MIX23: variants seen among roughly 807,000 people sequenced by gnomAD.
The protein encoded by MIX23 is protein MIX23.
Under a neutral mutation model 21.6 loss-of-function variants are expected in MIX23, and 13 were observed. The observed-to-expected ratio is 0.60, with a 90% confidence interval of 0.39 to 0.96. MIX23 has a LOEUF of 0.96. MIX23 is among the 40% of genes least tolerant of loss of function. The probability of loss-of-function intolerance (pLI) is 0.00; values close to 1 mark genes in which losing one functional copy is unlikely to be tolerated. For synonymous variants in MIX23, 59 were observed against 58.0 expected, an observed-to-expected ratio of 1.02 and a Z score of -0.08; for missense variants, 144 against 171.2, an observed-to-expected ratio of 0.84 and a Z score of 0.89.
intron 1 of MIX23, among the ~76,000 whole-genome samples, chr3:122,382,788 G>A (rs907293161): frequency 6.6e-6 from 1 of 152,178 alleles, no homozygotes; most frequent in Non-Finnish European, 1.5e-5. Flanking sequence ...TAGCTCTTCT[G>A]CACCTTCTTC....
chr3:122,373,139 A>G, intron 1 of MIX23: 1 of 315,266 alleles, frequency 3.2e-6, no homozygotes, highest in Non-Finnish European at 6.2e-6. Flanking sequence ...CAACATTTTA[A>G]TATGTCCCTT....
chr3:122,373,119 TA>T (rs1330400297), intron 1 of MIX23: 4 of 347,638 alleles, frequency 1.2e-5, no homozygotes, highest in Non-Finnish European at 1.7e-5. Flanking sequence ...CATCCATAGT[TA>T]ACCATTATCA....
intron 3 of MIX23, chr3:122,366,508 T>G (rs2075397838): frequency 6.6e-6 from 1 of 152,250 alleles, no homozygotes; most frequent in Admixed American, 6.5e-5. Context: ...ACTAATAGTT[T>G]TCAATAGATG....
chr3:122,376,909 G>A (rs1171203923), intron 1 of MIX23, among the ~76,000 whole-genome samples: 2 of 152,062 alleles, frequency 1.3e-5, no homozygotes, highest in East Asian at 3.9e-4. Context: ...TATCAAGCAG[G>A]TGCAGTGGCT....
At chr3:122,380,111 AT>A (rs1311867915) in intron 1 of MIX23, among the ~76,000 whole-genome samples, 2 of 152,120 alleles carry the variant, frequency 1.3e-5, no homozygotes, top group South Asian at 2.1e-4. Context: ...AATTCTACAT[AT>A]TTTTTAGGGT....
intron 1 of MIX23, among the ~76,000 whole-genome samples, chr3:122,376,962 A>G (rs552480804): frequency 6.6e-6 from 1 of 152,294 alleles, no homozygotes; most frequent in South Asian, 2.1e-4. Flanking sequence ...AGGTGGGTGG[A>G]TCACGAGGTC....
intron 1 of MIX23, among the ~76,000 whole-genome samples, chr3:122,376,656 T>G (rs889144909): frequency 2.0e-5 from 3 of 152,112 alleles, no homozygotes; most frequent in Non-Finnish European, 4.4e-5. Context: ...TATGAAATCA[T>G]GTCCTTTGCA....
intron 1 of MIX23, among the ~76,000 whole-genome samples, chr3:122,377,883 T>C (rs1412108131): frequency 6.6e-6 from 1 of 152,160 alleles, no homozygotes; most frequent in Non-Finnish European, 1.5e-5. Flanking sequence ...GAAATTAAAC[T>C]TTTAAACTTA....
Position 122,379,638 on chromosome 3 carries a change from C to A in MIX23, c.51+3536G>T, listed in dbSNP as rs116054417. 1.0e-3 allele frequency among the ~76,000 whole-genome samples: 159 copies of A among 152,302 alleles called. 1 individual carries two copies. The highest frequency in any genetic ancestry group is 3.6e-3 in the African/African-American group (148 of 41,558). ...ATTCACCAAGAAAATACATAGAAGA[C>A]ACCCCTGAACAGAACAGACATTATA... On this transcript the variant is annotated intron_variant, in intron 1 of 4. Transcript: ENST00000291458.
intron 4 of MIX23, among the ~76,000 whole-genome samples, chr3:122,362,118 C>G (rs2075362582): frequency 6.6e-6 from 1 of 152,092 alleles, no homozygotes; most frequent in Non-Finnish European, 1.5e-5. Context: ...GGGATCTGGT[C>G]CCCTAATCTA....
intron 2 of MIX23, 47 bp downstream of exon 2, chr3:122,371,628 G>C: frequency 6.3e-7 from 1 of 1,597,916 alleles, no homozygotes; most frequent in Non-Finnish European, 8.6e-7. Flanking sequence ...TATTCAGCCT[G>C]CAAAGAAAGG....
chr3:122,372,874 A>T, intron 1 of MIX23: 1 of 293,646 alleles, frequency 3.4e-6, no homozygotes, highest in Non-Finnish European at 6.6e-6. Context: ...ATTATATAAT[A>T]CTAGGAATAT....
At chr3:122,378,502 T>C (rs2075505766) in intron 1 of MIX23, among the ~76,000 whole-genome samples, 1 of 152,238 alleles carries the variant, frequency 6.6e-6, no homozygotes, top group Non-Finnish European at 1.5e-5. Flanking sequence ...TCATAGAGTG[T>C]ACTTACACAA....
chr3:122,379,272 T>C (rs2075512169), intron 1 of MIX23, among the ~76,000 whole-genome samples: 1 of 152,226 alleles, frequency 6.6e-6, no homozygotes, highest in African/African-American at 2.4e-5. Flanking sequence ...TAGGAACCTG[T>C]TGAGAACAGT....
intron 1 of MIX23, among the ~76,000 whole-genome samples, chr3:122,373,391 C>A (rs138305518): frequency 1.3e-5 from 2 of 152,132 alleles, no homozygotes; most frequent in East Asian, 3.9e-4. Flanking sequence ...CCCACCTCAG[C>A]CCCTCAAATA....
In MIX23 at chr3:122,372,216, C is replaced by T. The variant is rs1049383954; in HGVS notation, c.52-416G>A. Among the ~76,000 whole-genome samples the T allele has an allele frequency of 2.5e-5, 3 of 121,428 alleles. No homozygotes were observed. In the Admixed American group the frequency reaches 2.6e-4, roughly 11 times the overall value. The allele number at this position is 121,428 out of a possible 152,430, so 79.7% of individuals were successfully genotyped here. On this transcript the variant is annotated intron_variant, in intron 1 of 4. Coordinates refer to ENST00000291458, the MANE Select transcript of MIX23 (RefSeq NM_001017928.4). ...GGATCCATCTTACCTCAGAAAGCCT[C>T]CAACTCTCAAAAAAAAAAAAAAAAA...
At chr3:122,375,118 A>G (rs1559993413) in intron 1 of MIX23, among the ~76,000 whole-genome samples, 1 of 152,202 alleles carries the variant, frequency 6.6e-6, no homozygotes, top group Non-Finnish European at 1.5e-5. Flanking sequence ...TGGGCAACAC[A>G]GCGAGACTCT....
At chr3:122,377,855 T>C (rs2075500257) in intron 1 of MIX23, among the ~76,000 whole-genome samples, 1 of 152,148 alleles carries the variant, frequency 6.6e-6, no homozygotes, top group Non-Finnish European at 1.5e-5. Flanking sequence ...TTTAAATGAA[T>C]AAATGATTAT....
At chr3:122,374,773 T>C (rs567541661) in intron 1 of MIX23, among the ~76,000 whole-genome samples, 3 of 152,136 alleles carry the variant, frequency 2.0e-5, no homozygotes, top group South Asian at 2.1e-4. Flanking sequence ...AAGGGGGAGA[T>C]AGAAATTAAA....
Sources: gnomAD v4.1 joint callset for allele counts (sites outside exome capture counted in the v4.1 genomes callset) on GRCh38, gnomAD v4.1.1 for gene constraint, MANE v1.5 for transcripts, NCBI Gene and HGNC (gene_info 2026-07-23, HGNC 2026-07-21) for gene names.